Variants in NPAS3 observed in about 807,000 individuals in gnomAD.
NPAS3 encodes the protein neuronal PAS domain-containing protein 3.
A neutral mutation model predicts 73.1 loss-of-function variants in NPAS3; 14 were observed. The observed-to-expected ratio is 0.19, with a 90% confidence interval of 0.13 to 0.30. The LOEUF (loss-of-function observed/expected upper bound fraction) is 0.30, where lower values mean the gene tolerates loss of function less well. Ranked by LOEUF, NPAS3 falls within the 10% of genes least tolerant of loss-of-function variation. The probability of loss-of-function intolerance (pLI) is 1.00; values close to 1 mark genes in which losing one functional copy is unlikely to be tolerated. For synonymous variants in NPAS3, 620 were observed against 541.5 expected, an observed-to-expected ratio of 1.14 and a Z score of -2.01; for missense variants, 1,096 against 1,250.0, an observed-to-expected ratio of 0.88 and a Z score of 1.86.
At chr14:33,310,005 A>G (rs1376054018) in intron 3 of NPAS3, among the ~76,000 whole-genome samples, 1 of 152,140 alleles carries the variant, frequency 6.6e-6, no homozygotes, top group Non-Finnish European at 1.5e-5. Context: ...GGTATGATCC[A>G]GTTTGTTTTC....
At chr14:33,140,344 T>C (rs973003421) in intron 2 of NPAS3, among the ~76,000 whole-genome samples, 3 of 152,110 alleles carry the variant, frequency 2.0e-5, no homozygotes, top group African/African-American at 7.2e-5. Flanking sequence ...ATTTCAGTAA[T>C]ATGTAAGTAG....
chr14:33,378,796 C>A (rs537123035), intron 4 of NPAS3, among the ~76,000 whole-genome samples: 1 of 152,140 alleles, frequency 6.6e-6, no homozygotes, highest in South Asian at 2.1e-4. Flanking sequence ...TTGTTTGGGG[C>A]ATGCTGACAT....
chr14:33,717,883 C>A (rs950380142), intron 6 of NPAS3, among the ~76,000 whole-genome samples: 28 of 152,160 alleles, frequency 1.8e-4, no homozygotes, highest in African/African-American at 6.5e-4. Flanking sequence ...CCCCCTCTAC[C>A]TCAAAGCTGG....
intron 6 of NPAS3, among the ~76,000 whole-genome samples, chr14:33,694,300 A>G (rs2060314248): frequency 6.6e-6 from 1 of 152,226 alleles, no homozygotes; most frequent in African/African-American, 2.4e-5. Context: ...CCATTTACTC[A>G]GAAAGTGAAT....
At chr14:33,525,767 T>C (rs2053770827) in intron 4 of NPAS3, among the ~76,000 whole-genome samples, 1 of 152,130 alleles carries the variant, frequency 6.6e-6, no homozygotes, top group Non-Finnish European at 1.5e-5. Flanking sequence ...ACCAAATTAT[T>C]GGCCACTAAC....
At chr14:33,175,180 G>A (rs1472742096) in intron 2 of NPAS3, among the ~76,000 whole-genome samples, 1 of 152,126 alleles carries the variant, frequency 6.6e-6, no homozygotes, top group Admixed American at 6.5e-5. Flanking sequence ...TTAAAATGTA[G>A]ATGGTAAAGG....
At chr14:33,599,088 A>G (rs533791173) in intron 5 of NPAS3, among the ~76,000 whole-genome samples, 4 of 152,266 alleles carry the variant, frequency 2.6e-5, no homozygotes, top group African/African-American at 9.6e-5. Flanking sequence ...AGGCACTAGA[A>G]GCTATGGGAA....
intron 3 of NPAS3, among the ~76,000 whole-genome samples, chr14:33,341,947 G>A (rs544202357): frequency 3.4e-4 from 52 of 152,172 alleles, no homozygotes; most frequent in Non-Finnish European, 5.9e-4. Context: ...AATTTCAGTC[G>A]TCGTTTCTGG....
intron 2 of NPAS3, among the ~76,000 whole-genome samples, chr14:33,117,565 C>T (rs932032621): frequency 3.3e-5 from 5 of 152,168 alleles, no homozygotes; most frequent in African/African-American, 1.2e-4. Context: ...GCAGAATAGC[C>T]AAATTTGTGT....
chr14:32,935,452 C>A (rs1185577355), upstream of NPAS3, among the ~76,000 whole-genome samples: 3 of 152,214 alleles, frequency 2.0e-5, no homozygotes, highest in Admixed American at 1.3e-4. Flanking sequence ...GAACGATTTT[C>A]ATGTGTAGCT....
At chr14:33,686,584 C>T (rs967286587) in intron 6 of NPAS3, among the ~76,000 whole-genome samples, 2 of 152,118 alleles carry the variant, frequency 1.3e-5, no homozygotes, top group African/African-American at 2.4e-5. Flanking sequence ...ATTTATTTCT[C>T]ACAAAACACT....
intron 3 of NPAS3, among the ~76,000 whole-genome samples, chr14:33,235,168 C>T (rs2047987527): frequency 6.6e-6 from 1 of 152,036 alleles, no homozygotes; most frequent in South Asian, 2.1e-4. Context: ...CCTCTACCGC[C>T]CCACACTCCT....
intron 9 of NPAS3, among the ~76,000 whole-genome samples, chr14:33,792,889 T>G (rs755533249): frequency 2.0e-4 from 31 of 152,210 alleles, no homozygotes; most frequent in Non-Finnish European, 4.3e-4. Flanking sequence ...CCGGTGAGCT[T>G]TCGCGGGGCG....
intron 1 of NPAS3, among the ~76,000 whole-genome samples, chr14:33,053,603 A>G (rs144913657): frequency 1.3e-5 from 2 of 152,336 alleles, no homozygotes; most frequent in East Asian, 1.9e-4. Flanking sequence ...TAGCTTTTTG[A>G]TGATAACATA....
intron 3 of NPAS3, among the ~76,000 whole-genome samples, chr14:33,249,262 A>G (rs904700126): frequency 6.6e-6 from 1 of 152,044 alleles, no homozygotes; most frequent in Non-Finnish European, 1.5e-5. Flanking sequence ...AATAGTCAAA[A>G]TTATTTCAAA....
At chr14:33,139,294 A>G (rs1476655021) in intron 2 of NPAS3, among the ~76,000 whole-genome samples, 3 of 152,186 alleles carry the variant, frequency 2.0e-5, no homozygotes, top group African/African-American at 7.2e-5. Context: ...CTATGTGCAC[A>G]TTGGCTTCCT....
At chr14:32,942,796 A>G (rs951272338) in intron 1 of NPAS3, among the ~76,000 whole-genome samples, 9 of 152,244 alleles carry the variant, frequency 5.9e-5, no homozygotes, top group African/African-American at 2.2e-4. Context: ...ATATATAAAT[A>G]GCTCCACAAG....
chr14:33,459,049 C>T (rs916203774), intron 4 of NPAS3, among the ~76,000 whole-genome samples: 1 of 152,232 alleles, frequency 6.6e-6, no homozygotes, highest in Non-Finnish European at 1.5e-5. Context: ...GTGGATTATT[C>T]ATGCCTTCCC....
rs553590288 is a variant in NPAS3 at position 33,268,327 on chromosome 14, A to G, written c.385+52901A>G. ...CTTAGACTTTTTGACTCCTTCCTGT[A>G]TAAATTTACGAGATGCTATCTCTCC... On this transcript the variant is annotated intron_variant, in intron 3 of 11. Transcript: ENST00000356141. 3.9e-5 allele frequency among the ~76,000 whole-genome samples: 6 copies of G among 152,272 alleles called. No individual in the cohort carries two copies. The East Asian group carries it at 9.7e-4, about 25-fold the overall frequency.
Sources: allele counts gnomAD v4.1 joint callset (sites outside exome capture counted in the v4.1 genomes callset), GRCh38; gene constraint gnomAD v4.1.1; transcripts MANE v1.5; gene names NCBI Gene and HGNC (gene_info 2026-07-23, HGNC 2026-07-21).